TMPRSS2: variants seen among roughly 807,000 people sequenced by gnomAD.
TMPRSS2 encodes the protein transmembrane serine protease 2.
TMPRSS2 carries 59 observed loss-of-function variants against 67.4 expected under a neutral mutation model. The observed-to-expected ratio is 0.88, with a 90% CI of 0.71 to 1.09. The LOEUF (loss-of-function observed/expected upper bound fraction) is 1.09, where lower values mean the gene tolerates loss of function less well. TMPRSS2 is among the 50% of genes least tolerant of loss of function. The probability of loss-of-function intolerance (pLI) is 0.00; values close to 1 mark genes in which losing one functional copy is unlikely to be tolerated. For synonymous variants in TMPRSS2, 257 were observed against 257.0 expected, an observed-to-expected ratio of 1.00 and a Z score of 0.00; for missense variants, 668 against 642.7, an observed-to-expected ratio of 1.04 and a Z score of -0.43.
chr21:41,467,677 T>A (rs556787864), intron 13 of TMPRSS2, 57 bp downstream of exon 13: 1 of 1,593,950 alleles, frequency 6.3e-7, no homozygotes, highest in South Asian at 1.2e-5. Flanking sequence ...CTAACAGATG[T>A]CTGGCTTTGG....
chr21:41,492,327 A>T (rs996939771), intron 3 of TMPRSS2, among the ~76,000 whole-genome samples: 5 of 152,220 alleles, frequency 3.3e-5, no homozygotes, highest in Non-Finnish European at 7.3e-5. Context: ...CTTGTTTCAC[A>T]CGCACATTTG....
intron 1 of TMPRSS2, among the ~76,000 whole-genome samples, chr21:41,507,741 G>A (rs942837644): frequency 3.3e-5 from 5 of 152,150 alleles, no homozygotes; most frequent in African/African-American, 1.2e-4. Context: ...CGGACTAGGA[G>A]CCAGCTTTGG....
chr21:41,471,895 T>C lies in TMPRSS2; in HGVS notation c.986A>G (p.Glu329Gly), dbSNP rs565237319. 6.3e-5 allele frequency: 102 copies of C among 1,613,620 alleles called. 1 individual carries two copies. The South Asian group carries it at 1.1e-3, about 17-fold the overall frequency. ...ATAATTTGGATGAGAAATCACTTTT[T>C]CTACTTGGTATCCGGCTCCATAGAA... ...FMFYGAGYQV[E>G]KVISHPNYDS... Residue 329 changes from glutamate (E) to glycine (G), a missense_variant, in exon 10 of 14, where the codon GAA becomes GGA. Coordinates refer to ENST00000332149, the MANE Select transcript of TMPRSS2 (RefSeq NM_005656.4).
At chr21:41,467,599 TG>T in intron 13 of TMPRSS2, 134 bp downstream of exon 13, 1 of 990,192 alleles carries the variant, frequency 1.0e-6, no homozygotes, top group Non-Finnish European at 1.5e-6. Context: ...GGGCTGTGGC[TG>T]GAGGAAGCAG....
At position 41,505,542 on chromosome 21, in the gene TMPRSS2, G is replaced by A. The variant is rs73357664; in HGVS notation, c.-57+2539C>T. On this transcript the variant is annotated intron_variant, in intron 1 of 13. Coordinates refer to ENST00000332149, the MANE Select transcript of TMPRSS2 (RefSeq NM_005656.4). Reference sequence around the variant, plus strand: ...CACTCAATGCCCCCATGGCCTAGGAGGTCAGCCCTCCGCAGGCCCCCTTTC... The same window carrying A: ...CACTCAATGCCCCCATGGCCTAGGAAGTCAGCCCTCCGCAGGCCCCCTTTC... 9.8e-3 allele frequency among the ~76,000 whole-genome samples: 1,499 copies of A among 152,278 alleles called. 26 individuals carry two copies. Among genetic ancestry groups the A allele is most frequent in the African/African-American group, 0.034 (1,431 of 41,550 alleles).
At position 41,490,022 on chromosome 21, in the gene TMPRSS2, C is replaced by T. The variant is rs1017551269; in HGVS notation, c.239-429G>A. ...AATTAGCTGGGCGTGGTGGCAGGTG[C>T]CTGTAATCCTAGCTACTTGGGAGGC... On this transcript the variant is annotated intron_variant, in intron 3 of 13. Coordinates refer to ENST00000332149, the MANE Select transcript of TMPRSS2 (RefSeq NM_005656.4). 2.6e-5 allele frequency among the ~76,000 whole-genome samples: 4 copies of T among 151,872 alleles called. No individual in the cohort carries two copies. In the East Asian group the frequency reaches 5.8e-4, roughly 22 times the overall value.
intron 10 of TMPRSS2, 108 bp from the exon 11 acceptor site, chr21:41,470,851 A>C (rs921131848): frequency 2.7e-5 from 21 of 770,962 alleles, no homozygotes; most frequent in Non-Finnish European, 4.1e-5. Flanking sequence ...CACCCTGCCC[A>C]GAGGACCCTG....
chr21:41,468,484 C>G lies in TMPRSS2; in HGVS notation c.1226G>C (p.Arg409Thr). The change falls in exon 12 of 14, where the codon AGA becomes ACA. Residue 409 changes from arginine to threonine, a missense_variant. Physicochemically the swap from Arg to Thr is moderately conservative, Grantham distance 71. Transcript: ENST00000332149. ...GTCATAGACATATCTGCTGTTGCAT[C>G]TCTGTGTCTCAATGAGAAGCACCTT... ...AAKVLLIETQRCNSRYVYDNL... is the reference protein window; with the variant it reads ...AAKVLLIETQTCNSRYVYDNL... 6.2e-7 allele frequency: 1 copy of G among 1,614,196 alleles called. No homozygotes were observed. Among genetic ancestry groups the G allele is most frequent in the South Asian group, 1.1e-5 (1 of 91,086 alleles).
intron 3 of TMPRSS2, among the ~76,000 whole-genome samples, chr21:41,491,330 G>A (rs1269969576): frequency 2.6e-5 from 4 of 151,714 alleles, no homozygotes; most frequent in Non-Finnish European, 4.4e-5. Context: ...CCCATTTTTG[G>A]TAGATGAGGT....
At chr21:41,491,102 T>A (rs977013705) in intron 3 of TMPRSS2, among the ~76,000 whole-genome samples, 6 of 151,384 alleles carry the variant, frequency 4.0e-5, no homozygotes, top group African/African-American at 1.5e-4. Context: ...GTGGTTCCCA[T>A]CACCAGAGAT....
intron 11 of TMPRSS2, chr21:41,468,974 C>G (rs2146422072): frequency 6.1e-6 from 1 of 164,280 alleles, no homozygotes; most frequent in South Asian, 1.8e-4. Flanking sequence ...TGCTTCTCGG[C>G]TCCCCTGCAC....
chr21:41,498,825 T>C (rs1237722202), intron 1 of TMPRSS2, among the ~76,000 whole-genome samples: 1 of 152,166 alleles, frequency 6.6e-6, no homozygotes, highest in Non-Finnish European at 1.5e-5. Context: ...CTGAACCTTG[T>C]TGAAATCTCA....
At chr21:41,488,765 G>A (rs761656349) in intron 4 of TMPRSS2, among the ~76,000 whole-genome samples, 2 of 152,164 alleles carry the variant, frequency 1.3e-5, no homozygotes, top group South Asian at 4.1e-4. Context: ...AGCCTCCTAA[G>A]TAGCTGGGAT....
intron 11 of TMPRSS2, chr21:41,468,799 GC>G (rs2091106081): frequency 2.3e-6 from 1 of 444,092 alleles, no homozygotes; most frequent in Non-Finnish European, 4.1e-6. Context: ...AAACTATAGG[GC>G]TCTATCAGTG....
chr21:41,472,991 G>C (rs1258368081), intron 9 of TMPRSS2, among the ~76,000 whole-genome samples: 1 of 152,140 alleles, frequency 6.6e-6, no homozygotes, highest in Non-Finnish European at 1.5e-5. Context: ...CTAGCGTCCC[G>C]GAGACAGGAT....
chr21:41,466,303 T>C (rs1485588235), intron 13 of TMPRSS2, 150 bp from the exon 14 acceptor site: 4 of 792,478 alleles, frequency 5.0e-6, no homozygotes, highest in Non-Finnish European at 8.4e-6. Context: ...TCCAACGTGT[T>C]GGTCAGAGTC....
chr21:41,503,903 T>C (rs2091439680), intron 1 of TMPRSS2, among the ~76,000 whole-genome samples: 1 of 152,160 alleles, frequency 6.6e-6, no homozygotes, highest in Non-Finnish European at 1.5e-5. Flanking sequence ...TCCAAGCCCA[T>C]CGTCCCTAGA....
At chr21:41,469,791 A>G (rs2091115621) in intron 11 of TMPRSS2, among the ~76,000 whole-genome samples, 1 of 152,072 alleles carries the variant, frequency 6.6e-6, no homozygotes, top group African/African-American at 2.4e-5. Context: ...CAGCAGAGAC[A>G]TTTGTCTTAC....
chr21:41,492,365 A>G (rs377569170), intron 3 of TMPRSS2, among the ~76,000 whole-genome samples: 3 of 152,196 alleles, frequency 2.0e-5, no homozygotes, highest in African/African-American at 7.2e-5. Context: ...GATTCTCCAA[A>G]GCCTAAGGTT....
Sources: gnomAD v4.1 joint callset for allele counts (sites outside exome capture counted in the v4.1 genomes callset) on GRCh38, gnomAD v4.1.1 for gene constraint, MANE v1.5 for transcripts, NCBI Gene and HGNC (gene_info 2026-07-23, HGNC 2026-07-21) for gene names.